Variants in WNT5A observed in about 807,000 individuals in gnomAD.
The protein encoded by WNT5A is Wnt family member 5A, also known as protein Wnt-5a.
A neutral mutation model predicts 42.1 loss-of-function variants in WNT5A; 9 were observed. The observed-to-expected ratio is 0.21, with a 90% confidence interval of 0.13 to 0.37. WNT5A has a LOEUF of 0.37. WNT5A is among the 10% of genes least tolerant of loss of function. WNT5A has a pLI of 1.00. For missense variants in WNT5A, 426 were observed against 534.0 expected, an observed-to-expected ratio of 0.80 and a Z score of 1.99; for synonymous variants, 210 against 210.0, an observed-to-expected ratio of 1.00 and a Z score of 0.00.
chr3:55,468,138 T>TAAAAAAAAAA lies in WNT5A; in HGVS notation c.*1944_*1953dup. The TAAAAAAAAAA allele has an allele frequency of 7.5e-6, 1 of 133,998 alleles. No individual in the cohort carries two copies. Among genetic ancestry groups the TAAAAAAAAAA allele is most frequent in the South Asian group, 2.4e-4 (1 of 4,092 alleles). 8.3% of individuals were successfully genotyped at this position (133,998 alleles called of 1,614,324 possible). A position where few individuals can be genotyped will look rare whatever the true frequency, so the allele number is the denominator to read the frequency against. ...ACTGTTTGGAAAGAGGTGTCCTTAT[T>TAAAAAAAAAA]AAAAAAAAAAAAAAAAAAGCTATCT... is the stretch of plus-strand genomic sequence containing the variant. On this transcript the variant is annotated 3_prime_UTR_variant, in exon 5 of 5. Transcript: ENST00000264634.
At chr3:55,485,697 C>T (rs1342559644) in intron 1 of WNT5A, among the ~76,000 whole-genome samples, 1 of 152,110 alleles carries the variant, frequency 6.6e-6, no homozygotes, top group Non-Finnish European at 1.5e-5. Flanking sequence ...GAGGTGCGAC[C>T]TCACCGCAAG....
Position 55,480,884 on chromosome 3 carries a change from A to C in WNT5A, c.41T>G (p.Leu14Trp). ...AGACATTGCACTTCCAGCCATCCCC[A>C]AAGCAACTCCTGGGCTTAATATTCC... ...SIGILSPGVA[L>W]GMAGSAMSSK... The change falls in exon 2 of 5, where the codon TTG becomes TGG. Residue 14 changes from leucine (L) to tryptophan (W), a missense_variant. Transcript: ENST00000264634. 1 of 1,589,170 alleles carries C rather than the reference A, an allele frequency of 6.3e-7. No homozygotes were observed.
At chr3:55,500,586 G>A in the WNT5A span, among the ~76,000 whole-genome samples, 25 of 152,168 alleles carry the variant, frequency 1.6e-4, no homozygotes. Context: ...GATTTGCTTG[G>A]GGCTACTCAG....
At chr3:55,471,094 G>T (rs1354728694) in intron 4 of WNT5A, among the ~76,000 whole-genome samples, 2 of 152,152 alleles carry the variant, frequency 1.3e-5, no homozygotes, top group Admixed American at 1.3e-4. Context: ...TGCAGAATTG[G>T]GAAGAGTCCA....
chr3:55,501,964 G>A, the WNT5A span, among the ~76,000 whole-genome samples: 4 of 152,120 alleles, frequency 2.6e-5, no homozygotes, highest in Non-Finnish European at 4.4e-5. Context: ...TGGTGAAATC[G>A]TTATTATCAA....
Position 55,487,195 on chromosome 3 carries a change from G to A in WNT5A, c.-210C>T. 2 of 548,228 alleles carry A rather than the reference G, an allele frequency of 3.6e-6. No homozygotes were observed. The highest frequency in any genetic ancestry group is 3.4e-5 in the Admixed American group (1 of 29,344). The allele number at this position is 548,228 out of a possible 1,614,324, so 34.0% of individuals were successfully genotyped here. ...TCCCGAGTTGGGGCAGAGCTGGGATGCGCCCAGGAATGGAGGGGGCGCGGA... is the reference window on the plus strand; with the variant it reads ...TCCCGAGTTGGGGCAGAGCTGGGATACGCCCAGGAATGGAGGGGGCGCGGA... On this transcript the variant is annotated 5_prime_UTR_variant, in exon 1 of 5. Coordinates refer to ENST00000264634, the MANE Select transcript of WNT5A (RefSeq NM_003392.7).
chr3:55,485,139 G>T (rs1341509128), intron 1 of WNT5A, among the ~76,000 whole-genome samples: 1 of 151,416 alleles, frequency 6.6e-6, no homozygotes, highest in Non-Finnish European at 1.5e-5. Flanking sequence ...CCCCTGCTGG[G>T]AGAGTGGGGT....
intron 4 of WNT5A, among the ~76,000 whole-genome samples, chr3:55,471,354 A>G (rs1469915583): frequency 1.3e-5 from 2 of 152,116 alleles, no homozygotes; most frequent in African/African-American, 4.8e-5. Flanking sequence ...TACCCCATCT[A>G]CTACCCCGCT....
chr3:55,474,646 G>A lies in WNT5A; in HGVS notation c.392-17C>T, dbSNP rs2051318728. The A allele has an allele frequency of 2.9e-6, 4 of 1,392,880 alleles. No homozygotes were observed. Among genetic ancestry groups the A allele is most frequent in the East Asian group, 2.8e-5 (1 of 35,476 alleles). The allele number at this position is 1,392,880 out of a possible 1,614,324, so 86.3% of individuals were successfully genotyped here. ...CGCGGCTGCCTGTGGGTGAGGACAA[G>A]GGATCACTGGCCGCCTGCCTCACGC... On this transcript the variant is annotated splice_polypyrimidine_tract_variant and intron_variant, in intron 3 of 4. Coordinates refer to ENST00000264634, the MANE Select transcript of WNT5A (RefSeq NM_003392.7).
rs571175695 is a variant in WNT5A, at chr3:55,481,244, G to GC, written c.7-327dup. On this transcript the variant is annotated intron_variant, in intron 1 of 4. Transcript: ENST00000264634. ...GCTCGCTCGAGTCCCGCACCCCCTGGCCCCCCTCTAGTTGGTGCTGTGCTC... is the reference window on the plus strand; with the variant it reads ...GCTCGCTCGAGTCCCGCACCCCCTGGCCCCCCCTCTAGTTGGTGCTGTGCTC... 2.8e-4 allele frequency: 272 copies of GC among 980,978 alleles called. 2 individuals carry two copies. The African/African-American group carries it at 4.3e-3, about 15-fold the overall frequency. The allele number at this position is 980,978 out of a possible 1,614,324, so 60.8% of individuals were successfully genotyped here. A position where few individuals can be genotyped will look rare whatever the true frequency, so the allele number is the denominator to read the frequency against.
the WNT5A span, chr3:55,505,077 C>A: frequency 6.6e-6 from 1 of 152,102 alleles, no homozygotes; most frequent in Admixed American, 6.5e-5. Context: ...TTTATTCACC[C>A]GACATATTAG....
At position 55,474,563 on chromosome 3, in the gene WNT5A, G is replaced by A. The variant is rs1309688159; in HGVS notation, c.458C>T (p.Ala153Val). ...GGTGGACAGCTCGCCCTCGCGGCAC[G>A]CCCGGCTCATGGCGTTCACCACCCC... ...AAGVVNAMSR[A>V]CREGELSTCG... The change falls in exon 4 of 5, where the codon GCG (alanine) becomes GTG (valine). Residue 153 changes from alanine to valine, a missense_variant. Physicochemically the swap from Ala to Val is moderately conservative, Grantham distance 64. Transcript: ENST00000264634. 6.6e-7 allele frequency: 1 copy of A among 1,513,292 alleles called. No individual in the cohort carries two copies. The highest frequency in any genetic ancestry group is 8.8e-7 in the Non-Finnish European group (1 of 1,134,630). The allele number at this position is 1,513,292 out of a possible 1,614,324, so 93.7% of individuals were successfully genotyped here.
chr3:55,476,940 A>G (rs2051368616), intron 3 of WNT5A, among the ~76,000 whole-genome samples: 2 of 152,112 alleles, frequency 1.3e-5, no homozygotes, highest in Non-Finnish European at 2.9e-5. Flanking sequence ...AAAATGAGAA[A>G]CTCTCCAAAA....
chr3:55,484,114 C>T (rs553570964), intron 1 of WNT5A, among the ~76,000 whole-genome samples: 2 of 152,186 alleles, frequency 1.3e-5, no homozygotes, highest in African/African-American at 4.8e-5. Flanking sequence ...GCCAAATAGG[C>T]GGAAGAAGCC....
chr3:55,481,317 G>GGCCACCCTCCT, intron 1 of WNT5A: 16 of 988,846 alleles, frequency 1.6e-5, no homozygotes, highest in Non-Finnish European at 1.9e-5. Context: ...GCCACCCTCC[G>GGCCACCCTCCT]TCCTCTCCCC....
chr3:55,486,292 G>T (rs762569746), intron 1 of WNT5A, among the ~76,000 whole-genome samples: 1 of 152,192 alleles, frequency 6.6e-6, no homozygotes, highest in Non-Finnish European at 1.5e-5. Flanking sequence ...CTGCTGCAAA[G>T]TGCCTGAGCT....
intron 1 of WNT5A, among the ~76,000 whole-genome samples, chr3:55,482,132 G>A (rs1575405077): frequency 6.6e-6 from 1 of 152,234 alleles, no homozygotes; most frequent in African/African-American, 2.4e-5. Flanking sequence ...AGCCCTTGCA[G>A]ATGAGTCCAG....
rs201975128 is a variant in WNT5A, at chr3:55,470,252, G to A, written c.983C>T (p.Thr328Met). The A allele has an allele frequency of 1.5e-5, 24 of 1,614,086 alleles. No homozygotes were observed. The highest frequency in any genetic ancestry group is 4.4e-5 in the South Asian group (4 of 91,082). ...CTCGCAGCCATCCATGCCCTCCGACGTCTTGTTGCACAGGCGGCCCTGCGT... is the reference window on the plus strand; with the variant it reads ...CTCGCAGCCATCCATGCCCTCCGACATCTTGTTGCACAGGCGGCCCTGCGT... ...LGTQGRLCNK[T>M]SEGMDGCELM... is the part of the protein sequence containing the mutation. The change falls in exon 5 of 5, where the codon ACG becomes ATG. Residue 328 changes from threonine (T) to methionine (M), a missense_variant. By Grantham distance (81) the Thr-to-Met change is moderately conservative. Coordinates refer to ENST00000264634, the MANE Select transcript of WNT5A (RefSeq NM_003392.7).
At position 55,485,653 on chromosome 3, in the gene WNT5A, T is replaced by C. The variant is rs556347723; in HGVS notation, c.6+1327A>G. On this transcript the variant is annotated intron_variant, in intron 1 of 4. Transcript: ENST00000264634. Reference sequence around the variant, plus strand: ...AATCTGGCTGGTTCGGCAGTGAATGTGCGAAGGTGGCTGGGGGGAGGGCAG... The same window carrying C: ...AATCTGGCTGGTTCGGCAGTGAATGCGCGAAGGTGGCTGGGGGGAGGGCAG... Among the ~76,000 whole-genome samples the C allele has an allele frequency of 6.1e-3, 639 of 104,556 alleles. 3 individuals carry two copies. Among genetic ancestry groups the C allele is most frequent in the African/African-American group, 0.027 (580 of 21,234 alleles). The allele number at this position is 104,556 out of a possible 152,430, so 68.6% of individuals were successfully genotyped here. A position where few individuals can be genotyped will look rare whatever the true frequency, so the allele number is the denominator to read the frequency against.
Sources: gnomAD v4.1 joint callset for allele counts (sites outside exome capture counted in the v4.1 genomes callset) on GRCh38, gnomAD v4.1.1 for gene constraint, MANE v1.5 for transcripts, NCBI Gene and HGNC (gene_info 2026-07-23, HGNC 2026-07-21) for gene names.